The following ANKRD31 variants were observed in gnomAD, a reference collection of about 807,000 sequenced individuals.
ANKRD31 encodes the protein ankyrin repeat domain-containing protein 31.
Under a neutral mutation model 186.0 loss-of-function variants are expected in ANKRD31, and 147 were observed. The ratio of observed to expected loss-of-function variants is 0.79; its 90% CI spans 0.69 to 0.91. The LOEUF is 0.91. Among genes scored for constraint, ANKRD31 ranks in the 40% least tolerant of loss-of-function variants. The pLI is 0.00. For synonymous variants in ANKRD31, 673 were observed against 736.4 expected, an observed-to-expected ratio of 0.91 and a Z score of 1.39; for missense variants, 1,986 against 2,148.8, an observed-to-expected ratio of 0.92 and a Z score of 1.50.
At chr5:75,185,727 C>G (rs1003514101) in intron 10 of ANKRD31, among the ~76,000 whole-genome samples, 1 of 151,884 alleles carries the variant, frequency 6.6e-6, no homozygotes, top group Non-Finnish European at 1.5e-5. Context: ...ATGCTAATTA[C>G]TCTGATTTGA....
In ANKRD31 at chr5:75,104,799, C is replaced by A. The variant is rs1283467751; in HGVS notation, c.4760G>T (p.Gly1587Val). The stretch of plus-strand genomic sequence containing the variant: ...ATCTGAATGTCTGGATTTTGGAAAA[C>A]CATCCAAGGTACAATCACTGCCATT... ...KQNGSDCTLD[G>V]FPKSRHSDGT... The change falls in exon 22 of 26, where the codon GGT (glycine) becomes GTT (valine). Residue 1587 changes from glycine (G) to valine (V), a missense_variant. Physicochemically the swap from Gly to Val is moderately radical, Grantham distance 109 (BLOSUM62 -3). Coordinates refer to ENST00000506364, the MANE Select transcript of ANKRD31 (RefSeq NM_001372053.1). 1 of 1,537,186 alleles carries A rather than the reference C, an allele frequency of 6.5e-7. No individual in the cohort carries two copies. Among genetic ancestry groups the A allele is most frequent in the East Asian group, 2.4e-5 (1 of 40,910 alleles).
intron 15 of ANKRD31, among the ~76,000 whole-genome samples, chr5:75,142,474 A>T (rs1751118275): frequency 6.6e-6 from 1 of 151,952 alleles, no homozygotes; most frequent in South Asian, 2.1e-4. Context: ...AAAGCTCTGT[A>T]TTGTTCTCTT....
At chr5:75,086,872 C>T (rs879402469) in intron 23 of ANKRD31, among the ~76,000 whole-genome samples, 17 of 151,992 alleles carry the variant, frequency 1.1e-4, no homozygotes, top group Middle Eastern at 6.8e-3. Flanking sequence ...TGTGTGTGTA[C>T]GCGCACGTGT....
At chr5:75,201,705 G>C (rs370083308) in intron 5 of ANKRD31, among the ~76,000 whole-genome samples, 1 of 152,142 alleles carries the variant, frequency 6.6e-6, no homozygotes, top group East Asian at 1.9e-4. Flanking sequence ...AGTTGGTTCA[G>C]GCCTTGAAGG....
chr5:75,145,881 A>G, intron 14 of ANKRD31, 106 bp downstream of exon 14: 1 of 1,029,566 alleles, frequency 9.7e-7, no homozygotes, highest in Non-Finnish European at 1.3e-6. Context: ...ACATGTCCTC[A>G]TTCTTCTCAG....
intron 22 of ANKRD31, among the ~76,000 whole-genome samples, chr5:75,098,267 G>A (rs1207580668): frequency 3.9e-5 from 6 of 152,092 alleles, no homozygotes; most frequent in Non-Finnish European, 5.9e-5. Flanking sequence ...GATTACAGGC[G>A]TGAGCCACCG....
chr5:75,166,709 C>T (rs1168537098), intron 11 of ANKRD31, among the ~76,000 whole-genome samples: 1 of 152,126 alleles, frequency 6.6e-6, no homozygotes, highest in East Asian at 1.9e-4. Context: ...ACAAGGTAAA[C>T]CTAATAAAAG....
chr5:75,123,122 C>A (rs920051034), intron 17 of ANKRD31, among the ~76,000 whole-genome samples: 1 of 151,888 alleles, frequency 6.6e-6, no homozygotes, highest in Admixed American at 6.6e-5. Context: ...AATCAATATT[C>A]AAAAATGAGT....
At position 75,138,929 on chromosome 5, in the gene ANKRD31, T is replaced by C. The variant is rs192285141; in HGVS notation, c.3650A>G (p.His1217Arg). The change falls in exon 16 of 26, where the codon CAT becomes CGT. Residue 1217 changes from histidine to arginine, a missense_variant. By Grantham distance (29) the His-to-Arg change is conservative. Transcript: ENST00000506364. ...KRNARGESQLHLAVRRGNLPL... is the reference protein window; with the variant it reads ...KRNARGESQLRLAVRRGNLPL... ...CAGATTTCCTCTTCTGACAGCTAAA[T>C]GAAGCTGGCTTTCCCCTCTGGCATT... 32 of 1,536,886 alleles carry C rather than the reference T, an allele frequency of 2.1e-5. No homozygotes were observed. In the East Asian group the frequency reaches 7.1e-4, roughly 34 times the overall value.
At chr5:75,168,944 T>C (rs1753119081) in intron 11 of ANKRD31, 35 bp downstream of exon 11, 2 of 1,487,022 alleles carry the variant, frequency 1.3e-6, no homozygotes, top group Non-Finnish European at 1.8e-6. Flanking sequence ...TTGCAAAATA[T>C]AGTATTTGTT....
At chr5:75,148,133 T>A (rs977359275) in intron 13 of ANKRD31, among the ~76,000 whole-genome samples, 1 of 151,848 alleles carries the variant, frequency 6.6e-6, no homozygotes, top group African/African-American at 2.4e-5. Flanking sequence ...AAGACAGATA[T>A]ACTCTTCAAC....
intron 17 of ANKRD31, among the ~76,000 whole-genome samples, chr5:75,132,980 T>C (rs889286164): frequency 6.6e-6 from 1 of 152,096 alleles, no homozygotes; most frequent in South Asian, 2.1e-4. Context: ...TTTGTCACCA[T>C]CAGGCCTGCC....
intron 19 of ANKRD31, among the ~76,000 whole-genome samples, chr5:75,114,171 C>A (rs552420933): frequency 2.0e-4 from 31 of 152,048 alleles, no homozygotes; most frequent in Non-Finnish European, 3.5e-4. Flanking sequence ...ATGGGTTTCG[C>A]AGCAAAGTTT....
intron 17 of ANKRD31, among the ~76,000 whole-genome samples, chr5:75,121,051 C>T (rs987556918): frequency 2.8e-4 from 42 of 151,962 alleles, no homozygotes; most frequent in African/African-American, 9.9e-4. Context: ...AGTGTGGTGG[C>T]GTGCGCCTGT....
chr5:75,098,433 T>C (rs994720315), intron 22 of ANKRD31, among the ~76,000 whole-genome samples: 7 of 152,066 alleles, frequency 4.6e-5, no homozygotes, highest in African/African-American at 1.7e-4. Context: ...TGGTTCCATA[T>C]GAACTTTCAA....
At chr5:75,070,691 T>C (rs1178555751) in intron 25 of ANKRD31, among the ~76,000 whole-genome samples, 1 of 152,174 alleles carries the variant, frequency 6.6e-6, no homozygotes, top group Non-Finnish European at 1.5e-5. Context: ...GGTAGAAAAA[T>C]TTGTCTACTA....
intron 17 of ANKRD31, among the ~76,000 whole-genome samples, chr5:75,121,012 G>A (rs1172020561): frequency 1.3e-4 from 19 of 151,860 alleles, no homozygotes; most frequent in African/African-American, 3.9e-4. Flanking sequence ...GTAAAACCCC[G>A]TCTCTACTAA....
intron 22 of ANKRD31, among the ~76,000 whole-genome samples, chr5:75,092,856 A>G (rs776289772): frequency 4.6e-5 from 7 of 152,218 alleles, no homozygotes; most frequent in Non-Finnish European, 8.8e-5. Context: ...TAAAGACATT[A>G]AGTAAGGAAT....
In ANKRD31 at chr5:75,080,636, A is replaced by T. The variant is rs1399811264; in HGVS notation, c.5579T>A (p.Val1860Asp). The change falls in exon 25 of 26, where the codon GTT becomes GAT. Residue 1860 changes from valine (V) to aspartate (D), a missense_variant. Transcript: ENST00000506364. ...PQQYQPCLPEVACLDDPVQEP... is the reference protein window; with the variant it reads ...PQQYQPCLPEDACLDDPVQEP... ...CTGTACTGGGTCATCTAAACAAGCAACTTCTGAAAGTGAAACAAAACGTTA... is the reference window on the plus strand; with the variant it reads ...CTGTACTGGGTCATCTAAACAAGCATCTTCTGAAAGTGAAACAAAACGTTA... The T allele has an allele frequency of 3.3e-6, 5 of 1,527,810 alleles. No individual in the cohort carries two copies. Among genetic ancestry groups the T allele is most frequent in the South Asian group, 1.2e-5 (1 of 80,914 alleles). The allele number at this position is 1,527,810 out of a possible 1,614,324, so 94.6% of individuals were successfully genotyped here.
Sources: allele counts gnomAD v4.1 joint callset (sites outside exome capture counted in the v4.1 genomes callset), GRCh38; gene constraint gnomAD v4.1.1; transcripts MANE v1.5; gene names NCBI Gene and HGNC (gene_info 2026-07-23, HGNC 2026-07-21).